Variants in CNGB3 observed in about 807,000 individuals in gnomAD.
CNGB3 encodes the protein cyclic nucleotide gated channel subunit beta 3.
In CNGB3, 86 loss-of-function variants were observed where a neutral mutation model predicts 92.8. The observed-to-expected ratio is 0.93, with a 90% CI of 0.78 to 1.11. The LOEUF is 1.11. Ranked by LOEUF, CNGB3 falls within the 50% of genes least tolerant of loss-of-function variation. The probability of loss-of-function intolerance (pLI) is 0.00; values close to 1 mark genes in which losing one functional copy is unlikely to be tolerated. For missense variants in CNGB3, 1,026 were observed against 956.8 expected (o/e 1.07, Z -0.95); for synonymous variants, 333 against 332.7 (o/e 1.00, Z -0.01).
intron 3 of CNGB3, among the ~76,000 whole-genome samples, chr8:86,680,743 G>A (rs532925415): frequency 1.1e-4 from 16 of 152,126 alleles, no homozygotes; most frequent in Admixed American, 5.9e-4. Flanking sequence ...GAAAGAATAC[G>A]GTCAAGTGAA....
At chr8:86,599,483 G>T (rs1014110400) in intron 15 of CNGB3, among the ~76,000 whole-genome samples, 2 of 152,176 alleles carry the variant, frequency 1.3e-5, no homozygotes, top group Non-Finnish European at 2.9e-5. Flanking sequence ...ACTGCCAGTG[G>T]GCCGGGTGGA....
intron 3 of CNGB3, among the ~76,000 whole-genome samples, chr8:86,706,104 T>C (rs775837713): frequency 1.6e-4 from 25 of 152,226 alleles, no homozygotes; most frequent in Non-Finnish European, 2.2e-4. Context: ...CCTTTCATAA[T>C]GTAGTTTATA....
intron 13 of CNGB3, among the ~76,000 whole-genome samples, chr8:86,614,359 T>C (rs1585970227): frequency 1.3e-5 from 2 of 152,144 alleles, no homozygotes; most frequent in South Asian, 2.1e-4. Flanking sequence ...GGAACTCATG[T>C]CTGCTTGCTG....
chr8:86,591,233 A>T (rs1238903446), intron 15 of CNGB3, among the ~76,000 whole-genome samples: 6 of 138,132 alleles, frequency 4.3e-5, no homozygotes, highest in South Asian at 2.4e-4. Flanking sequence ...TTCTAGTTAT[A>T]CATTCTTCTA....
intron 13 of CNGB3, 126 bp downstream of exon 13, chr8:86,625,857 A>AT: frequency 1.3e-6 from 1 of 773,892 alleles, no homozygotes; most frequent in South Asian, 1.6e-5. Flanking sequence ...ATTCCACATA[A>AT]TTTCTCTAGG....
At chr8:86,644,167 A>T (rs570398823) in intron 9 of CNGB3, among the ~76,000 whole-genome samples, 1 of 151,426 alleles carries the variant, frequency 6.6e-6, no homozygotes, top group South Asian at 2.1e-4. Context: ...TCACTTCTTC[A>T]GTTTAAGTCC....
Position 86,726,582 on chromosome 8 carries a change from C to T in CNGB3, c.287G>A (p.Gly96Glu), listed in dbSNP as rs933953445. 1 of 1,613,822 alleles carries T rather than the reference C, an allele frequency of 6.2e-7. No homozygotes were observed. The highest frequency in any genetic ancestry group is 8.5e-7 in the Non-Finnish European group (1 of 1,179,808). Residue 96 changes from glycine to glutamate, a missense_variant, in exon 3 of 18, where the codon GGA (glycine) becomes GAA (glutamate). Transcript: ENST00000320005. ...CATTTCCTTCTGCTCTGGCACTGTT[C>T]CAGTTGGTTCTGCTGCATTTTGAGG... ...PDPQNAAEPT[G>E]TVPEQKEMDP... is the part of the protein sequence containing the mutation.
chr8:86,727,628 T>C (rs1261334109), intron 2 of CNGB3, among the ~76,000 whole-genome samples: 9 of 152,152 alleles, frequency 5.9e-5, no homozygotes, highest in Non-Finnish European at 1.2e-4. Flanking sequence ...ATTTGGATTA[T>C]AGAGAAGATT....
chr8:86,642,971 T>G (rs1238682443), intron 10 of CNGB3, among the ~76,000 whole-genome samples: 2 of 151,560 alleles, frequency 1.3e-5, no homozygotes, highest in Non-Finnish European at 3.0e-5. Context: ...TAATTAACAT[T>G]GTTCATTACT....
chr8:86,666,826 T>C, intron 6 of CNGB3, 99 bp downstream of exon 6: 1 of 932,124 alleles, frequency 1.1e-6, no homozygotes, highest in Non-Finnish European at 1.7e-6. Flanking sequence ...TCCATGCAGA[T>C]AGCCAGTCAA....
intron 3 of CNGB3, among the ~76,000 whole-genome samples, chr8:86,688,786 T>TA (rs888702784): frequency 5.3e-5 from 8 of 151,994 alleles, no homozygotes; most frequent in Non-Finnish European, 7.4e-5. Context: ...GGTCTTTTTT[T>TA]AAAAAATTCT....
intron 15 of CNGB3, among the ~76,000 whole-genome samples, chr8:86,587,826 T>A (rs1406489489): frequency 6.6e-6 from 1 of 151,940 alleles, no homozygotes; most frequent in African/African-American, 2.4e-5. Context: ...TGCGGGCTCT[T>A]TTTTGGTTCC....
rs1175685853 is a variant in CNGB3, at chr8:86,660,433, G to T, written c.853-6371C>A. On this transcript the variant is annotated intron_variant, in intron 6 of 17. Coordinates refer to ENST00000320005, the MANE Select transcript of CNGB3 (RefSeq NM_019098.5). ...GGGCCACACTAGAACTCAGAATAGG[G>T]TGTGGTCTCAATGCTCCAAGCCCAT... The T allele has an allele frequency of 1.0e-5, 5 of 494,048 alleles. 1 individual carries two copies. The highest frequency in any genetic ancestry group is 3.2e-5 in the South Asian group (2 of 63,424). The allele number at this position is 494,048 out of a possible 1,614,324, so 30.6% of individuals were successfully genotyped here. A position where few individuals can be genotyped will look rare whatever the true frequency, so the allele number is the denominator to read the frequency against.
At chr8:86,670,100 G>A (rs1302865958) in intron 4 of CNGB3, among the ~76,000 whole-genome samples, 1 of 151,938 alleles carries the variant, frequency 6.6e-6, no homozygotes, top group African/African-American at 2.4e-5. Context: ...TGCCTGCCTC[G>A]GCCTCCCAAA....
At chr8:86,660,247 T>C (rs1463438461) in intron 6 of CNGB3, 1 of 308,938 alleles carries the variant, frequency 3.2e-6, no homozygotes, top group Non-Finnish European at 6.5e-6. Flanking sequence ...CTCAATGTTT[T>C]CTTGGCCACA....
Position 86,635,205 on chromosome 8 carries a change from T to C in CNGB3, c.1179-2312A>G, listed in dbSNP as rs111963616. ...TAACTTTTCAAATTCCAATTTATAA[T>C]TTCCTATTACCTGATTTATTTTGGT... On this transcript the variant is annotated intron_variant, in intron 10 of 17. Transcript: ENST00000320005. Among the ~76,000 whole-genome samples, 115 of 152,266 alleles carry C rather than the reference T, an allele frequency of 7.6e-4. 1 individual carries two copies. In the South Asian group the frequency reaches 0.012, roughly 16 times the overall value.
intron 10 of CNGB3, among the ~76,000 whole-genome samples, chr8:86,639,753 G>A (rs917938870): frequency 3.9e-5 from 6 of 152,106 alleles, no homozygotes; most frequent in African/African-American, 1.4e-4. Context: ...TATCTAAAAA[G>A]ATAAGTAAAG....
chr8:86,684,830 C>A (rs1824153105), intron 3 of CNGB3, among the ~76,000 whole-genome samples: 1 of 152,018 alleles, frequency 6.6e-6, no homozygotes, highest in Non-Finnish European at 1.5e-5. Context: ...TGTCAAGGAT[C>A]AGGTTTTGGT....
chr8:86,720,916 A>G (rs1345077387), intron 3 of CNGB3, among the ~76,000 whole-genome samples: 1 of 150,934 alleles, frequency 6.6e-6, no homozygotes, highest in African/African-American at 2.4e-5. Flanking sequence ...AAAAGGAACA[A>G]AATAATGGCA....
Sources: gnomAD v4.1 joint callset for allele counts (sites outside exome capture counted in the v4.1 genomes callset) on GRCh38, gnomAD v4.1.1 for gene constraint, MANE v1.5 for transcripts, NCBI Gene and HGNC (gene_info 2026-07-23, HGNC 2026-07-21) for gene names.